The following RIC1 variants were observed in gnomAD, a reference collection of about 807,000 sequenced individuals.
RIC1 encodes the protein guanine nucleotide exchange factor subunit RIC1.
RIC1 carries 88 observed loss-of-function variants against 169.0 expected under a neutral mutation model. That is an observed-to-expected ratio of 0.52 (90% CI 0.44 to 0.62). RIC1 has a LOEUF of 0.62. Ranked by LOEUF, RIC1 falls within the 20% of genes least tolerant of loss-of-function variation. RIC1 has a pLI of 0.00. For synonymous variants in RIC1, 790 were observed against 601.5 expected (o/e 1.31, Z -4.59); for missense variants, 1,877 against 1,725.5 (o/e 1.09, Z -1.56).
At chr9:5,725,414 C>T (rs984046126) in intron 6 of RIC1, among the ~76,000 whole-genome samples, 2 of 152,100 alleles carry the variant, frequency 1.3e-5, no homozygotes, top group Non-Finnish European at 2.9e-5. Context: ...TCCCCTTTAT[C>T]ATTTTTTATT....
At chr9:5,734,396 G>T (rs1257076311) in intron 7 of RIC1, among the ~76,000 whole-genome samples, 2 of 151,952 alleles carry the variant, frequency 1.3e-5, no homozygotes, top group East Asian at 3.9e-4. Context: ...GAGCCACTGG[G>T]CCCGGCCCAG....
At chr9:5,668,492 C>T (rs192264961) in intron 2 of RIC1, among the ~76,000 whole-genome samples, 1 of 152,136 alleles carries the variant, frequency 6.6e-6, no homozygotes, top group Admixed American at 6.6e-5. Flanking sequence ...ATTTCTCTTT[C>T]CTCCATACTT....
At chr9:5,720,898 A>T (rs2130866188) in intron 6 of RIC1, 148 bp downstream of exon 6, 1 of 681,898 alleles carries the variant, frequency 1.5e-6, no homozygotes, top group East Asian at 3.0e-5. Context: ...TAGTATAAGT[A>T]GACAAAATTC....
intron 1 of RIC1, among the ~76,000 whole-genome samples, chr9:5,633,730 A>T (rs1219390536): frequency 1.3e-5 from 2 of 152,152 alleles, no homozygotes; most frequent in Non-Finnish European, 2.9e-5. Context: ...TGTATGTGGG[A>T]TGAGAACACT....
intron 7 of RIC1, among the ~76,000 whole-genome samples, chr9:5,733,510 C>A (rs888044968): frequency 1.3e-5 from 2 of 151,950 alleles, no homozygotes; most frequent in African/African-American, 4.8e-5. Context: ...CCTTGTGATC[C>A]GCCTTGGCCT....
At chr9:5,700,929 C>T (rs537819093) in intron 3 of RIC1, among the ~76,000 whole-genome samples, 1 of 152,278 alleles carries the variant, frequency 6.6e-6, no homozygotes, top group African/African-American at 2.4e-5. Context: ...TAATTTCCTA[C>T]TGCTTCCCTA....
intron 2 of RIC1, among the ~76,000 whole-genome samples, chr9:5,671,278 T>A (rs910204800): frequency 4.0e-5 from 6 of 150,640 alleles, no homozygotes; most frequent in African/African-American, 1.2e-4. Context: ...ATTATTATTT[T>A]TTTTTTTTTG....
intron 2 of RIC1, among the ~76,000 whole-genome samples, chr9:5,657,410 A>T (rs1819166119): frequency 1.3e-5 from 2 of 152,118 alleles, no homozygotes; most frequent in African/African-American, 4.8e-5. Context: ...AGCACCTCCT[A>T]TCCGATGAGT....
chr9:5,704,119 C>G (rs1822409652), intron 3 of RIC1, among the ~76,000 whole-genome samples: 1 of 151,722 alleles, frequency 6.6e-6, no homozygotes, highest in African/African-American at 2.4e-5. Context: ...GTGTATTTCC[C>G]TAATGATTAA....
chr9:5,658,088 G>A (rs1292743575), intron 2 of RIC1, among the ~76,000 whole-genome samples: 2 of 152,052 alleles, frequency 1.3e-5, no homozygotes, highest in African/African-American at 2.4e-5. Context: ...AACATTTCAA[G>A]TGTACACATA....
chr9:5,767,423 G>A (rs185846969), intron 21 of RIC1, among the ~76,000 whole-genome samples: 7 of 149,884 alleles, frequency 4.7e-5, no homozygotes, highest in Non-Finnish European at 8.9e-5. Flanking sequence ...ATGTTCTTCT[G>A]TTGTTGTCTC....
chr9:5,728,776 C>G (rs946811903), intron 6 of RIC1, among the ~76,000 whole-genome samples: 3 of 152,176 alleles, frequency 2.0e-5, no homozygotes, highest in Non-Finnish European at 2.9e-5. Context: ...TTTTGGCCTT[C>G]TGTCATAATT....
intron 8 of RIC1, among the ~76,000 whole-genome samples, chr9:5,739,658 C>T (rs1170063205): frequency 6.6e-6 from 1 of 152,114 alleles, no homozygotes; most frequent in Non-Finnish European, 1.5e-5. Flanking sequence ...ACTGTTGCCT[C>T]AGGCAGCACA....
At chr9:5,685,623 A>G (rs1429643027) in intron 2 of RIC1, among the ~76,000 whole-genome samples, 134 of 151,784 alleles carry the variant, frequency 8.8e-4, no homozygotes, top group Non-Finnish European at 5.9e-5. Flanking sequence ...ACAAAAATCA[A>G]TTCAAGATGG....
Position 5,763,184 on chromosome 9 carries a change from T to C in RIC1, c.2157T>C (p.Asn719=). The change falls in exon 19 of 26, where the codon AAT becomes AAC. Residue 719 remains asparagine (N), a synonymous_variant. Transcript: ENST00000414202. This position sits in a 1 kb window ranked among gnomAD's most constrained non-coding sequence, Gnocchi z 5.2. ...TTGTACTAGCCCAGTCTGTTGAAAA[T>C]GTCTGGACAACGTGTCGAGCAAATA... is the stretch of plus-strand genomic sequence containing the variant. ...PPVVLAQSVE[N]VWTTCRANKQ... 6.2e-7 allele frequency: 1 copy of C among 1,614,074 alleles called. No individual in the cohort carries two copies. Among genetic ancestry groups the C allele is most frequent in the Non-Finnish European group, 8.5e-7 (1 of 1,179,966 alleles).
Position 5,680,815 on chromosome 9 carries a change from ATTTTTTTTTTTTTTT to A in RIC1, c.253-9129_253-9115del, listed in dbSNP as rs66478510. On this transcript the variant is annotated intron_variant, in intron 2 of 25. Transcript: ENST00000414202. ...AGAACACCAGCTCCTGCAGTCATTG[ATTTTTTTTTTTTTTT>A]TTTTTTTTTTTTTTGAGACGGAGTC... 1.2e-4 allele frequency among the ~76,000 whole-genome samples: 7 copies of A among 57,738 alleles called. No individual in the cohort carries two copies. In the South Asian group the frequency reaches 6.9e-3, roughly 57 times the overall value. The allele number at this position is 57,738 out of a possible 152,430, so 37.9% of individuals were successfully genotyped here.
chr9:5,638,973 T>C (rs1437816458), intron 1 of RIC1, among the ~76,000 whole-genome samples: 2 of 152,204 alleles, frequency 1.3e-5, no homozygotes, highest in Non-Finnish European at 2.9e-5. Flanking sequence ...TAGAGTGCAG[T>C]GGTGCAATCT....
intron 1 of RIC1, among the ~76,000 whole-genome samples, chr9:5,655,429 T>G (rs1270939923): frequency 2.0e-5 from 3 of 152,098 alleles, no homozygotes; most frequent in Non-Finnish European, 4.4e-5. Flanking sequence ...GCCTCCCAAA[T>G]AGCTGGCATT....
At chr9:5,685,154 A>G (rs1233472826) in intron 2 of RIC1, among the ~76,000 whole-genome samples, 1 of 151,456 alleles carries the variant, frequency 6.6e-6, no homozygotes, top group Non-Finnish European at 1.5e-5. Context: ...AGAACATTCC[A>G]TGCTCATGGG....
Sources: gnomAD v4.1 joint callset for allele counts (sites outside exome capture counted in the v4.1 genomes callset) on GRCh38, gnomAD v4.1.1 for gene constraint, Gnocchi (gnomAD v3.1) non-coding constraint, MANE v1.5 for transcripts, NCBI Gene and HGNC (gene_info 2026-07-23, HGNC 2026-07-21) for gene names.